The following PKD1L3 variants were observed in gnomAD, a reference collection of about 807,000 sequenced individuals.
PKD1L3 encodes polycystin 1 like 3, transient receptor potential channel interacting, also known as polycystin-1-like protein 3.
PKD1L3 carries 239 observed loss-of-function variants against 184.1 expected under a neutral mutation model. That is an observed-to-expected ratio of 1.30 (90% CI 1.17 to 1.45). PKD1L3 has a LOEUF of 1.45. PKD1L3 is among the 40% of genes most tolerant of loss of function. The probability of loss-of-function intolerance (pLI) is 0.00; values close to 1 mark genes in which losing one functional copy is unlikely to be tolerated. For missense variants in PKD1L3, 2,660 were observed against 2,067.2 expected (o/e 1.29, Z -5.56); for synonymous variants, 996 against 778.8 (o/e 1.28, Z -4.64).
At chr16:71,935,679 C>T (rs553696287) in intron 25 of PKD1L3, among the ~76,000 whole-genome samples, 161 bp from the exon 26 acceptor site, 1 of 152,352 alleles carries the variant, frequency 6.6e-6, no homozygotes, top group South Asian at 2.1e-4. Context: ...TAGTTCAGGT[C>T]TGTAGTCTTC....
chr16:71,931,191 C>T (rs1437121373), intron 28 of PKD1L3: 1 of 152,082 alleles, frequency 6.6e-6, no homozygotes, highest in African/African-American at 2.4e-5. Flanking sequence ...AAGGAGGTGT[C>T]AGCAAAAATT....
chr16:71,986,397 C>A lies in PKD1L3; in HGVS notation c.658G>T (p.Ala220Ser), dbSNP rs993419700. 1.9e-6 allele frequency: 3 copies of A among 1,551,760 alleles called. No homozygotes were observed. In the Admixed American group the frequency reaches 5.9e-5, roughly 30 times the overall value. Residue 220 changes from alanine to serine, a missense_variant, in exon 5 of 30, where the codon GCC becomes TCC. Physicochemically the swap from Ala to Ser is moderately conservative, Grantham distance 99. Transcript: ENST00000620267. Reference protein sequence around the residue: ...LSSITSQVTSAASEPSSQPLP... With the variant: ...LSSITSQVTSSASEPSSQPLP... The stretch of plus-strand genomic sequence containing the variant: ...GGCTGGCTGCTGGGTTCAGATGCGG[C>A]TGATGTTACCTGTGATGTGATACTT...
chr16:71,957,058 C>G (rs1165235799), intron 16 of PKD1L3, among the ~76,000 whole-genome samples: 1 of 152,014 alleles, frequency 6.6e-6, no homozygotes, highest in East Asian at 1.9e-4. Context: ...GATAGTAATC[C>G]AGCTAGGTTT....
At chr16:71,937,213 A>C in intron 25 of PKD1L3, 79 bp downstream of exon 25, 1 of 1,422,320 alleles carries the variant, frequency 7.0e-7, no homozygotes, top group Non-Finnish European at 9.5e-7. Context: ...ATGCCACCAC[A>C]CCTGGGTAAT....
At chr16:71,948,236 C>T (rs1286580865) in intron 21 of PKD1L3, among the ~76,000 whole-genome samples, 1 of 152,164 alleles carries the variant, frequency 6.6e-6, no homozygotes, top group East Asian at 1.9e-4. Context: ...GCACTCACCA[C>T]TATACCTGGC....
intron 6 of PKD1L3, 91 bp from the exon 7 acceptor site, chr16:71,982,326 C>T: frequency 1.7e-6 from 2 of 1,163,002 alleles, no homozygotes; most frequent in Non-Finnish European, 2.3e-6. Context: ...ACTCTTGTTG[C>T]CCAGGCTAGA....
At position 71,942,759 on chromosome 16, in the gene PKD1L3, A is replaced by G; in HGVS notation, c.4125T>C (p.Tyr1375=). The G allele has an allele frequency of 1.9e-6, 3 of 1,550,932 alleles. No homozygotes were observed. The highest frequency in any genetic ancestry group is 2.6e-6 in the Non-Finnish European group (3 of 1,146,374). The change falls in exon 24 of 30, where the codon TAT becomes TAC. Residue 1375 remains tyrosine, a synonymous_variant. Coordinates refer to ENST00000620267, the MANE Select transcript of PKD1L3 (RefSeq NM_181536.2). Reference sequence around the variant, plus strand: ...CCAGCTGACCTTCGTCCACTTTCTCATAGGTCTTGGTACGGGGTATTTGGA... The same window carrying G: ...CCAGCTGACCTTCGTCCACTTTCTCGTAGGTCTTGGTACGGGGTATTTGGA... ...LIFQIPRTKT[Y]EKVDEGQLAF...
At chr16:71,977,589 G>T in intron 10 of PKD1L3, 122 bp from the exon 11 acceptor site, 1 of 729,890 alleles carries the variant, frequency 1.4e-6, no homozygotes, top group South Asian at 2.0e-5. Context: ...TTGAGATGGG[G>T]TCTTGCTATG....
At chr16:71,986,505 T>C (rs1227230382) in intron 4 of PKD1L3, 36 bp from the exon 5 acceptor site, 6 of 1,529,202 alleles carry the variant, frequency 3.9e-6, no homozygotes, top group South Asian at 2.5e-5. Context: ...AAAGACTGAA[T>C]CTGATTTTAC....
intron 11 of PKD1L3, among the ~76,000 whole-genome samples, chr16:71,976,409 C>G (rs757284731): frequency 2.6e-5 from 4 of 151,532 alleles, no homozygotes; most frequent in Non-Finnish European, 5.9e-5. Context: ...GTGCCCGCCA[C>G]CACACCCATC....
chr16:71,984,109 T>C lies in PKD1L3; in HGVS notation c.893A>G (p.Asn298Ser), dbSNP rs991111703. ...SRAVHGLQALNKLQEACEFLQ... is the reference protein window; with the variant it reads ...SRAVHGLQALSKLQEACEFLQ... ...GAACTCACAAGCTTCCTGTAGTTTG[T>C]TAAGAGCTTGCAAACCATGAACTGC... Residue 298 changes from asparagine (N) to serine (S), a missense_variant, in exon 6 of 30, where the codon AAC (asparagine) becomes AGC (serine). Physicochemically the swap from Asn to Ser is conservative, Grantham distance 46. Coordinates refer to ENST00000620267, the MANE Select transcript of PKD1L3 (RefSeq NM_181536.2). The C allele has an allele frequency of 2.6e-6, 4 of 1,552,126 alleles. No homozygotes were observed. The highest frequency in any genetic ancestry group is 3.5e-6 in the Non-Finnish European group (4 of 1,147,046).
chr16:71,949,788 C>G lies in PKD1L3; in HGVS notation c.3613G>C (p.Val1205Leu), dbSNP rs549904508. ...VLQNIFISQP[V>L]KVVFFTFLYS... ...TCTTCCCATCCCTCACATACCTTTA[C>G]TGGCTGGCTGATGAAGATGTTCTGA... The change falls in exon 21 of 30, where the codon GTA becomes CTA. Residue 1205 changes from valine to leucine, a missense_variant. By Grantham distance (32) the Val-to-Leu change is conservative. Transcript: ENST00000620267. The G allele has an allele frequency of 8.4e-6, 13 of 1,549,716 alleles. No individual in the cohort carries two copies. The highest frequency in any genetic ancestry group is 1.1e-5 in the Non-Finnish European group (13 of 1,146,346).
chr16:71,999,560 T>A, intron 1 of PKD1L3, 124 bp downstream of exon 1: 1 of 916,644 alleles, frequency 1.1e-6, no homozygotes, highest in South Asian at 2.8e-5. Context: ...AAGATGGTAA[T>A]GAAGTAAAGT....
chr16:71,979,903 T>C lies in PKD1L3; in HGVS notation c.1281A>G (p.Ile427Met), dbSNP rs1204321457. The C allele has an allele frequency of 7.7e-6, 12 of 1,549,994 alleles. No individual in the cohort carries two copies. The highest frequency in any genetic ancestry group is 1.4e-5 in the African/African-American group (1 of 72,880). The change falls in exon 9 of 30, where the codon ATA becomes ATG. Residue 427 changes from isoleucine to methionine, a missense_variant. Transcript: ENST00000620267. ...TGTAAGAGCTCAGCGGTAAAGTTGA[T>C]ATGTTTTGTCTAATGAGAAAAGTTA... is the stretch of plus-strand genomic sequence containing the variant. ...NATLLLSRQN[I>M]STLPLSSYTL...
In PKD1L3 at chr16:71,950,136, G is replaced by A. The variant is rs375186706; in HGVS notation, c.3365C>T (p.Thr1122Met). The change falls in exon 20 of 30, where the codon ACG (threonine) becomes ATG (methionine). Residue 1122 changes from threonine to methionine, a missense_variant. Thr to Met is a moderately conservative substitution (Grantham distance 81). Transcript: ENST00000620267. ...QELLETHILP[T>M]EQEPSREVTS... ...GCATTACCTGGATGGCTCTTGCTCC[G>A]TGGGAAGAATATGTGTTTCCAAGAG... 40 of 1,551,882 alleles carry A rather than the reference G, an allele frequency of 2.6e-5. No individual in the cohort carries two copies. Among genetic ancestry groups the A allele is most frequent in the African/African-American group, 2.3e-4 (17 of 72,992 alleles).
At chr16:71,963,468 AG>A in intron 15 of PKD1L3, 117 bp from the exon 16 acceptor site, 1 of 1,109,192 alleles carries the variant, frequency 9.0e-7, no homozygotes, top group Non-Finnish European at 1.2e-6. Context: ...TTTCATTGCA[AG>A]GCAAGAACTA....
In PKD1L3 at chr16:71,979,876, A is replaced by T. The variant is rs532160100; in HGVS notation, c.1308T>A (p.Thr436=). ...GCCTCACAGGGGCTGGGTGACCCAG[A>T]GTGTAAGAGCTCAGCGGTAAAGTTG... The part of the protein sequence containing the change: ...NISTLPLSSY[T]LGHPAPVRLG... Residue 436 remains threonine, a synonymous_variant, in exon 9 of 30, where the codon ACT becomes ACA. Coordinates refer to ENST00000620267, the MANE Select transcript of PKD1L3 (RefSeq NM_181536.2). 4.6e-5 allele frequency: 71 copies of T among 1,543,136 alleles called. No homozygotes were observed. The South Asian group carries it at 8.2e-4, about 18-fold the overall frequency.
At position 71,999,798 on chromosome 16, in the gene PKD1L3, T is replaced by C; in HGVS notation, c.181A>G (p.Ile61Val). 6.4e-7 allele frequency: 1 copy of C among 1,551,758 alleles called. No homozygotes were observed. The highest frequency in any genetic ancestry group is 1.2e-5 in the South Asian group (1 of 84,062). The change falls in exon 1 of 30, where the codon ATT becomes GTT. Residue 61 changes from isoleucine to valine, a missense_variant. Coordinates refer to ENST00000620267, the MANE Select transcript of PKD1L3 (RefSeq NM_181536.2). ...CHVQRGFLAH[I>V]WNKEVQDLIR... is the part of the protein sequence containing the mutation. The stretch of plus-strand genomic sequence containing the variant: ...AGATCTTGAACTTCCTTGTTCCAAA[T>C]ATGAGCTAGGAATCCTCTCTGCACA...
At chr16:71,964,585 C>T (rs929078600) in intron 15 of PKD1L3, among the ~76,000 whole-genome samples, 1 of 151,568 alleles carries the variant, frequency 6.6e-6, no homozygotes, top group East Asian at 1.9e-4. Flanking sequence ...GTGATCTGCC[C>T]GCCCTGGCCT....
Sources: gnomAD v4.1 joint callset for allele counts (sites outside exome capture counted in the v4.1 genomes callset) on GRCh38, gnomAD v4.1.1 for gene constraint, MANE v1.5 for transcripts, NCBI Gene and HGNC (gene_info 2026-07-23, HGNC 2026-07-21) for gene names.